Variants in CUX2 observed in about 807,000 individuals in gnomAD.
CUX2 encodes homeobox protein cut-like 2.
CUX2 carries 40 observed loss-of-function variants against 144.8 expected under a neutral mutation model. That is an observed-to-expected ratio of 0.28 (90% confidence interval 0.21 to 0.36). CUX2 has a LOEUF of 0.36. Among genes scored for constraint, CUX2 ranks in the 10% least tolerant of loss-of-function variants. The pLI, the probability that CUX2 is intolerant of heterozygous loss-of-function variation, is 1.00. For synonymous variants in CUX2, 827 were observed against 875.6 expected, an observed-to-expected ratio of 0.94 and a Z score of 0.98; for missense variants, 1,615 against 1,994.0, an observed-to-expected ratio of 0.81 and a Z score of 3.62.
intron 9 of CUX2, among the ~76,000 whole-genome samples, chr12:111,300,031 C>A (rs1285627377): frequency 6.6e-6 from 1 of 152,350 alleles, no homozygotes; most frequent in East Asian, 1.9e-4. Flanking sequence ...GGAACAGAGG[C>A]GTGTGCCACC....
chr12:111,259,073 TTG>T (rs72357793), intron 3 of CUX2, among the ~76,000 whole-genome samples: 2 of 89,114 alleles, frequency 2.2e-5, no homozygotes, highest in Non-Finnish European at 4.6e-5. Context: ...GTGTGTGTGT[TTG>T]TGTGTGTGTG....
At chr12:111,124,720 C>G (rs1447456890) in intron 1 of CUX2, among the ~76,000 whole-genome samples, 2 of 152,106 alleles carry the variant, frequency 1.3e-5, no homozygotes, top group African/African-American at 4.8e-5. Context: ...GCTGAGGTTT[C>G]AGGTACAAAT....
chr12:111,039,333 AG>A lies in CUX2; in HGVS notation c.63+5096del, dbSNP rs1288918082. Among the ~76,000 whole-genome samples the A allele has an allele frequency of 6.6e-6, 1 of 151,930 alleles. No individual in the cohort carries two copies. The highest frequency in any genetic ancestry group is 1.5e-5 in the Non-Finnish European group (1 of 68,000). On this transcript the variant is annotated intron_variant, in intron 1 of 21. Transcript: ENST00000261726. This position sits in a 1 kb window ranked among gnomAD's most constrained non-coding sequence, Gnocchi z 4.2. ...TATTTATGATGGTGTCATATACTGG[AG>A]GGTGTCAGGGATGGTAGAGGTTGGC... is the stretch of plus-strand genomic sequence containing the variant.
intron 1 of CUX2, among the ~76,000 whole-genome samples, chr12:111,073,078 A>G (rs1418331692): frequency 6.6e-6 from 1 of 152,254 alleles, no homozygotes; most frequent in African/African-American, 2.4e-5. Flanking sequence ...CTATAGGTTC[A>G]GCTCAACTGT....
At chr12:111,236,656 A>C (rs1333788610) in intron 3 of CUX2, among the ~76,000 whole-genome samples, 1 of 152,234 alleles carries the variant, frequency 6.6e-6, no homozygotes, top group African/African-American at 2.4e-5. Context: ...CACTGGTTCA[A>C]GAGAAATGCC....
Position 111,304,118 on chromosome 12 carries a change from T to C in CUX2, c.754-92T>C. The stretch of plus-strand genomic sequence containing the variant: ...GCAGGACCTGAGGCCCTCGGAGGTC[T>C]GCCTCCCCAACCCCTGCCTGAAACA... On this transcript the variant is annotated intron_variant, in intron 9 of 21. Coordinates refer to ENST00000261726, the MANE Select transcript of CUX2 (RefSeq NM_015267.4). The surrounding 1 kb of genome is among the most constrained non-coding windows in gnomAD (Gnocchi z 4.7). The C allele has an allele frequency of 9.6e-7, 1 of 1,039,116 alleles. No homozygotes were observed. The highest frequency in any genetic ancestry group is 1.4e-6 in the Non-Finnish European group (1 of 692,892). 64.4% of individuals were successfully genotyped at this position (1,039,116 alleles called of 1,614,324 possible). A position where few individuals can be genotyped will look rare whatever the true frequency, so the allele number is the denominator to read the frequency against.
chr12:111,216,661 C>T (rs144409832), intron 2 of CUX2, among the ~76,000 whole-genome samples: 14 of 152,306 alleles, frequency 9.2e-5, no homozygotes, highest in East Asian at 1.9e-4. Context: ...CATTTGAGTT[C>T]ACCACCTGTG....
At chr12:111,111,479 A>G (rs1873955727) in intron 1 of CUX2, among the ~76,000 whole-genome samples, 1 of 152,214 alleles carries the variant, frequency 6.6e-6, no homozygotes, top group Non-Finnish European at 1.5e-5. Context: ...TCCAAGGCCC[A>G]CATTCAGTTG....
chr12:111,099,536 C>G (rs923848894), intron 1 of CUX2: 2 of 456,576 alleles, frequency 4.4e-6, no homozygotes, highest in Admixed American at 2.3e-5. Flanking sequence ...GGGGGTGGCC[C>G]CCTATTTGTT....
intron 1 of CUX2, among the ~76,000 whole-genome samples, chr12:111,135,185 T>TAA (rs1266606259): frequency 3.4e-5 from 5 of 149,134 alleles, no homozygotes; most frequent in Admixed American, 3.3e-4. Flanking sequence ...TCCACAGTGA[T>TAA]AAGTGCTATG....
chr12:111,334,690 T>C lies in CUX2; in HGVS notation c.3176T>C (p.Val1059Ala), dbSNP rs746489673. ...TYSITKRVKEVLTDNNLGQRL... is the reference protein window; with the variant it reads ...TYSITKRVKEALTDNNLGQRL... Reference sequence around the variant, plus strand: ...TCCATCACCAAGAGGGTGAAGGAGGTCCTCACAGACAACAATCTAGGTACG... The same window carrying C: ...TCCATCACCAAGAGGGTGAAGGAGGCCCTCACAGACAACAATCTAGGTACG... Residue 1059 changes from valine to alanine, a missense_variant, in exon 19 of 22, where the codon GTC becomes GCC. Physicochemically the swap from Val to Ala is moderately conservative, Grantham distance 64 (BLOSUM62 0). This residue lies in a region of CUX2 where 128 missense variants were observed against 124.4 expected (regional missense o/e 1.03). Transcript: ENST00000261726. The C allele has an allele frequency of 1.9e-6, 3 of 1,610,588 alleles. No homozygotes were observed. The highest frequency in any genetic ancestry group is 2.5e-6 in the Non-Finnish European group (3 of 1,178,186).
intron 21 of CUX2, among the ~76,000 whole-genome samples, chr12:111,347,129 C>G (rs1473660375): frequency 1.3e-5 from 2 of 151,942 alleles, no homozygotes; most frequent in African/African-American, 4.8e-5. Context: ...TGTATTGTAC[C>G]CTTACAGCAC....
intron 3 of CUX2, among the ~76,000 whole-genome samples, chr12:111,228,067 C>G (rs1035865312): frequency 1.3e-5 from 2 of 152,184 alleles, no homozygotes; most frequent in African/African-American, 4.8e-5. Context: ...TTGAGAAATG[C>G]TTTCTGGAGC....
chr12:111,069,554 G>GTGCA (rs1566199261), intron 1 of CUX2, among the ~76,000 whole-genome samples: 5 of 151,180 alleles, frequency 3.3e-5, no homozygotes, highest in African/African-American at 1.2e-4. Context: ...GTGTGTGTGC[G>GTGCA]CGCGCGTGTG....
chr12:111,054,907 A>G (rs373717026), intron 1 of CUX2, among the ~76,000 whole-genome samples: 2 of 152,156 alleles, frequency 1.3e-5, no homozygotes, highest in African/African-American at 4.8e-5. Flanking sequence ...GATTACAGGC[A>G]TGAGCCACCA....
chr12:111,315,098 A>T (rs554512234), intron 16 of CUX2, among the ~76,000 whole-genome samples: 1 of 152,234 alleles, frequency 6.6e-6, no homozygotes, highest in South Asian at 2.1e-4. Flanking sequence ...AGGGTCTAGG[A>T]GTTCAGCAAG....
chr12:111,124,076 C>T (rs980853897), intron 1 of CUX2, among the ~76,000 whole-genome samples: 8 of 152,190 alleles, frequency 5.3e-5, no homozygotes, highest in African/African-American at 1.9e-4. Flanking sequence ...GTGCCACCAT[C>T]ACCACTATCT....
chr12:111,326,986 T>TA (rs776258304), intron 18 of CUX2, among the ~76,000 whole-genome samples: 55 of 152,328 alleles, frequency 3.6e-4, no homozygotes, highest in Non-Finnish European at 6.5e-4. Flanking sequence ...TCAGTGGATC[T>TA]AATACATGCA....
Position 111,320,372 on chromosome 12 carries a change from A to T in CUX2, c.2363A>T (p.His788Leu). The T allele has an allele frequency of 7.5e-6, 12 of 1,597,998 alleles. No homozygotes were observed. The highest frequency in any genetic ancestry group is 7.6e-6 in the Non-Finnish European group (9 of 1,179,126). ...GGCGACGCCGGCTACTTCGACCACC[A>T]CTGGGCCTCCGACCGCGGCCTGCTC... ...EIGDAGYFDH[H>L]WASDRGLLSR... The change falls in exon 17 of 22, where the codon CAC becomes CTC. Residue 788 changes from histidine (H) to leucine (L), a missense_variant. By Grantham distance (99) the His-to-Leu change is moderately conservative. This residue lies in a region of CUX2 where 390 missense variants were observed against 387.1 expected (regional missense o/e 1.01). Coordinates refer to ENST00000261726, the MANE Select transcript of CUX2 (RefSeq NM_015267.4). This position sits in a 1 kb window ranked among gnomAD's most constrained non-coding sequence, Gnocchi z 8.1.
Sources: gnomAD v4.1 joint callset for allele counts (sites outside exome capture counted in the v4.1 genomes callset) on GRCh38, gnomAD v4.1.1 for gene constraint, gnomAD v4.1.1 regional missense constraint, Gnocchi (gnomAD v3.1) non-coding constraint, MANE v1.5 for transcripts, NCBI Gene and HGNC (gene_info 2026-07-23, HGNC 2026-07-21) for gene names.